Variants in MAP1B observed in about 807,000 individuals in gnomAD.
MAP1B encodes the protein microtubule associated protein 1B.
Under a neutral mutation model 176.1 loss-of-function variants are expected in MAP1B, and 12 were observed. The ratio of observed to expected loss-of-function variants is 0.07; its 90% confidence interval spans 0.04 to 0.11. The LOEUF (loss-of-function observed/expected upper bound fraction) is 0.11, where lower values mean the gene tolerates loss of function less well. Ranked by LOEUF, MAP1B falls within the 10% of genes least tolerant of loss-of-function variation. MAP1B has a pLI of 1.00. For synonymous variants in MAP1B, 1,044 were observed against 1,135.0 expected, an observed-to-expected ratio of 0.92 and a Z score of 1.61; for missense variants, 2,523 against 2,990.5, an observed-to-expected ratio of 0.84 and a Z score of 3.65.
At chr5:72,115,133 G>A (rs565112965) in intron 1 of MAP1B, among the ~76,000 whole-genome samples, 1 of 152,096 alleles carries the variant, frequency 6.6e-6, no homozygotes, top group Non-Finnish European at 1.5e-5. Context: ...CATAAATCTT[G>A]GATTGATATC....
intron 2 of MAP1B, among the ~76,000 whole-genome samples, chr5:72,165,604 G>A (rs550767065): frequency 6.6e-6 from 1 of 152,130 alleles, no homozygotes; most frequent in South Asian, 2.1e-4. Flanking sequence ...ATGACCTCTT[G>A]GGCTCAGTTT....
chr5:72,205,564 A>C lies in MAP1B; in HGVS notation c.*325A>C, dbSNP rs563075291. The stretch of plus-strand genomic sequence containing the variant: ...AGAGGCATTTGTCTTAGAGAGAGAG[A>C]GAGCGCGGGAGAGAGTGAGAGAGAG... On this transcript the variant is annotated 3_prime_UTR_variant, in exon 7 of 7. Transcript: ENST00000296755. The C allele has an allele frequency of 4.1e-5, 9 of 219,658 alleles. No individual in the cohort carries two copies. The highest frequency in any genetic ancestry group is 1.4e-4 in the African/African-American group (6 of 43,972). The allele number at this position is 219,658 out of a possible 1,614,324, so 13.6% of individuals were successfully genotyped here.
At chr5:72,168,127 CT>C (rs1200417119) in intron 2 of MAP1B, among the ~76,000 whole-genome samples, 1 of 152,230 alleles carries the variant, frequency 6.6e-6, no homozygotes, top group Non-Finnish European at 1.5e-5. Flanking sequence ...CAATCCTTAA[CT>C]TTGAAGCCTT....
intron 2 of MAP1B, among the ~76,000 whole-genome samples, chr5:72,151,282 G>C (rs574589721): frequency 6.6e-6 from 1 of 152,234 alleles, no homozygotes; most frequent in Non-Finnish European, 1.5e-5. Flanking sequence ...CATGAGAACA[G>C]CACCAAGCCA....
intron 2 of MAP1B, among the ~76,000 whole-genome samples, chr5:72,137,980 T>C (rs1745867251): frequency 6.6e-6 from 1 of 152,192 alleles, no homozygotes; most frequent in Middle Eastern, 3.2e-3. Flanking sequence ...ATTCTGTTTC[T>C]TTACCAGCAG....
At chr5:72,168,824 T>C (rs1211625005) in intron 2 of MAP1B, among the ~76,000 whole-genome samples, 1 of 152,230 alleles carries the variant, frequency 6.6e-6, no homozygotes, top group Non-Finnish European at 1.5e-5. Flanking sequence ...TATCAATGCC[T>C]TGAAAATGCC....
chr5:72,152,777 T>C (rs1184828613), intron 2 of MAP1B, among the ~76,000 whole-genome samples: 4 of 152,206 alleles, frequency 2.6e-5, no homozygotes, highest in Non-Finnish European at 5.9e-5. Context: ...ACCAAGTTTC[T>C]TGAAAACAAT....
chr5:72,119,945 G>A (rs1305260691), intron 2 of MAP1B, among the ~76,000 whole-genome samples: 1 of 152,160 alleles, frequency 6.6e-6, no homozygotes, highest in Non-Finnish European at 1.5e-5. Context: ...GACCACAAAA[G>A]CAAAGCTAGG....
intron 2 of MAP1B, among the ~76,000 whole-genome samples, chr5:72,137,796 C>T (rs1019729703): frequency 6.6e-6 from 1 of 152,058 alleles, no homozygotes; most frequent in Non-Finnish European, 1.5e-5. Context: ...AGAGAAGTAA[C>T]CTTAAAAATA....
intron 2 of MAP1B, among the ~76,000 whole-genome samples, chr5:72,148,601 T>A (rs1309360526): frequency 6.6e-6 from 1 of 152,234 alleles, no homozygotes; most frequent in African/African-American, 2.4e-5. Context: ...ACAAGATGAT[T>A]CTTCTGTTCA....
At chr5:72,139,201 G>A (rs1175591213) in intron 2 of MAP1B, among the ~76,000 whole-genome samples, 2 of 152,142 alleles carry the variant, frequency 1.3e-5, no homozygotes, top group East Asian at 3.9e-4. Flanking sequence ...TAAGGTTAGA[G>A]TAGATACATA....
chr5:72,140,414 T>C lies in MAP1B; in HGVS notation c.286+24615T>C, dbSNP rs1205853780. 3.3e-5 allele frequency among the ~76,000 whole-genome samples: 5 copies of C among 152,368 alleles called. 1 individual carries two copies. In the South Asian group the frequency reaches 6.2e-4, roughly 19 times the overall value. ...TTCTAGTCTGTTTTATTCTATACTA[T>C]TAAGAAACACTGGCTTTGACCATTT... On this transcript the variant is annotated intron_variant, in intron 2 of 6. Transcript: ENST00000296755.
At chr5:72,179,639 C>T (rs960496137) in intron 2 of MAP1B, 31 of 985,362 alleles carry the variant, frequency 3.1e-5, no homozygotes, top group South Asian at 4.7e-5. Context: ...GATGCTGGGG[C>T]GGCCCAGCCC....
chr5:72,200,424 C>T (rs765657164), intron 5 of MAP1B, 57 bp downstream of exon 5: 23 of 1,563,990 alleles, frequency 1.5e-5, no homozygotes, highest in Non-Finnish European at 2.0e-5. Flanking sequence ...CTTGCGTTTA[C>T]AGCCTTTATA....
intron 2 of MAP1B, among the ~76,000 whole-genome samples, chr5:72,126,262 G>A (rs1745628035): frequency 6.6e-6 from 1 of 152,176 alleles, no homozygotes; most frequent in Non-Finnish European, 1.5e-5. Context: ...TCCCTGAAGA[G>A]CTGCTGTCAG....
intron 2 of MAP1B, among the ~76,000 whole-genome samples, chr5:72,131,297 T>G (rs1053734465): frequency 6.6e-6 from 1 of 152,208 alleles, no homozygotes; most frequent in Non-Finnish European, 1.5e-5. Flanking sequence ...CATTGGACAC[T>G]GTATTTTTCC....
intron 1 of MAP1B, among the ~76,000 whole-genome samples, chr5:72,110,341 A>G (rs1745305987): frequency 6.6e-6 from 1 of 152,236 alleles, no homozygotes; most frequent in African/African-American, 2.4e-5. Flanking sequence ...GTGAGTGAGC[A>G]GAGCCGTTTC....
intron 2 of MAP1B, among the ~76,000 whole-genome samples, chr5:72,159,447 A>G (rs5001173): frequency 0.61 from 92,529 of 151,548 alleles, 30,701 homozygotes; most frequent in South Asian, 0.85. Flanking sequence ...TAGATAGTGT[A>G]TGTTAACATA....
chr5:72,109,491 T>C (rs1745271035), intron 1 of MAP1B, among the ~76,000 whole-genome samples: 1 of 152,214 alleles, frequency 6.6e-6, no homozygotes. Context: ...TTTTTTTCTT[T>C]AAAAAATTAT....
Sources: gnomAD v4.1 joint callset for allele counts (sites outside exome capture counted in the v4.1 genomes callset) on GRCh38, gnomAD v4.1.1 for gene constraint, MANE v1.5 for transcripts, NCBI Gene and HGNC (gene_info 2026-07-23, HGNC 2026-07-21) for gene names.